The following MDFIC2 variants were observed in gnomAD, a reference collection of about 807,000 sequenced individuals.
MDFIC2 encodes the protein myoD family inhibitor domain-containing protein 2.
At chr3:70,258,419 T>C (rs1701837012) in intron 2 of MDFIC2, among the ~76,000 whole-genome samples, 1 of 152,174 alleles carries the variant, frequency 6.6e-6, no homozygotes, top group African/African-American at 2.4e-5. Flanking sequence ...TACAGAAATA[T>C]GTATTTACAG....
chr3:70,272,991 G>T (rs1701988590), intron 2 of MDFIC2, among the ~76,000 whole-genome samples: 1 of 152,186 alleles, frequency 6.6e-6, no homozygotes, highest in African/African-American at 2.4e-5. Flanking sequence ...CTTCAGTCCA[G>T]GTCAAATCAC....
At position 70,195,530 on chromosome 3, in the gene MDFIC2, T is replaced by C. The variant is rs1701167761; in HGVS notation, c.*1396A>G. ...AAAATGTGCTAGTTTGCTACAGAAA[T>C]AAAGCAAATGGTGATTTTGCCTGAA... On this transcript the variant is annotated 3_prime_UTR_variant, in exon 4 of 4. Coordinates refer to ENST00000567252, the MANE Select transcript of MDFIC2 (RefSeq NM_001364677.1). Among the ~76,000 whole-genome samples, 1 of 152,204 alleles carries C rather than the reference T, an allele frequency of 6.6e-6. No individual in the cohort carries two copies. Among genetic ancestry groups the C allele is most frequent in the Non-Finnish European group, 1.5e-5 (1 of 68,018 alleles).
chr3:70,296,755 A>G (rs1016438105), intron 2 of MDFIC2, among the ~76,000 whole-genome samples: 1 of 152,152 alleles, frequency 6.6e-6, no homozygotes, highest in African/African-American at 2.4e-5. Context: ...TGCTTGGGCT[A>G]CTATAAGCCC....
At chr3:70,299,927 A>G (rs1702330787) in intron 2 of MDFIC2, among the ~76,000 whole-genome samples, 1 of 151,960 alleles carries the variant, frequency 6.6e-6, no homozygotes, top group African/African-American at 2.4e-5. Context: ...ACTCCCACAC[A>G]CGCCCTTTCT....
chr3:70,275,948 A>G (rs1164539747), intron 2 of MDFIC2, among the ~76,000 whole-genome samples: 1 of 152,172 alleles, frequency 6.6e-6, no homozygotes, highest in East Asian at 1.9e-4. Context: ...AGCTTTGATT[A>G]ATATTCTTAA....
At chr3:70,284,040 G>GT (rs1227725402) in intron 2 of MDFIC2, among the ~76,000 whole-genome samples, 1 of 152,038 alleles carries the variant, frequency 6.6e-6, no homozygotes, top group Non-Finnish European at 1.5e-5. Flanking sequence ...TTGGCTATTG[G>GT]TTTTTTAAAA....
chr3:70,292,636 C>T (rs1375236141), intron 2 of MDFIC2, among the ~76,000 whole-genome samples: 1 of 152,022 alleles, frequency 6.6e-6, no homozygotes, highest in Non-Finnish European at 1.5e-5. Context: ...TGAAAAATAA[C>T]TATTTAAACT....
intron 3 of MDFIC2, chr3:70,205,586 G>T (rs56767217): frequency 0.19 from 29,016 of 151,890 alleles, 3,023 homozygotes; most frequent in Non-Finnish European, 0.24. Flanking sequence ...CCCATGGTGT[G>T]AACTAGCCTA....
chr3:70,265,320 C>T (rs1478984414), intron 2 of MDFIC2, among the ~76,000 whole-genome samples: 1 of 152,050 alleles, frequency 6.6e-6, no homozygotes, highest in African/African-American at 2.4e-5. Context: ...AGATATTCTC[C>T]CAAGTGTGAT....
At chr3:70,291,182 C>G (rs901730083) in intron 2 of MDFIC2, 1 of 152,092 alleles carries the variant, frequency 6.6e-6, no homozygotes, top group African/African-American at 2.4e-5. Context: ...CATCCAGGGC[C>G]CTGGAGCCAG....
intron 2 of MDFIC2, among the ~76,000 whole-genome samples, chr3:70,290,281 C>T (rs1429411103): frequency 1.3e-5 from 2 of 152,146 alleles, no homozygotes; most frequent in East Asian, 1.9e-4. Context: ...TTCTAACAGA[C>T]GGGACTCTGA....
chr3:70,215,748 CA>C (rs1352719065), intron 2 of MDFIC2, among the ~76,000 whole-genome samples: 3 of 152,096 alleles, frequency 2.0e-5, no homozygotes, highest in African/African-American at 7.2e-5. Context: ...CAGAACCTAG[CA>C]TGGTGTCTGG....
At chr3:70,293,041 GAAGCAA>G (rs1702253652) in intron 2 of MDFIC2, among the ~76,000 whole-genome samples, 1 of 57,708 alleles carries the variant, frequency 1.7e-5, no homozygotes. Flanking sequence ...TCTGTGGTTT[GAAGCAA>G]AAAAAAAAAA....
chr3:70,301,420 C>A (rs532322021), intron 2 of MDFIC2, among the ~76,000 whole-genome samples: 1 of 152,150 alleles, frequency 6.6e-6, no homozygotes, highest in African/African-American at 2.4e-5. Context: ...TTATCTGAAT[C>A]CTATGGTAAA....
chr3:70,255,685 C>T (rs951097314), intron 2 of MDFIC2, among the ~76,000 whole-genome samples: 1 of 152,086 alleles, frequency 6.6e-6, no homozygotes. Flanking sequence ...TCTTGAACTG[C>T]TGGGCTCAAG....
chr3:70,290,172 T>G (rs1193732931), intron 2 of MDFIC2, among the ~76,000 whole-genome samples: 3 of 152,200 alleles, frequency 2.0e-5, no homozygotes, highest in African/African-American at 4.8e-5. Context: ...TGTTCTGTTT[T>G]TTCCCCATCT....
intron 2 of MDFIC2, among the ~76,000 whole-genome samples, chr3:70,216,274 C>A (rs1299765282): frequency 1.3e-5 from 2 of 150,066 alleles, no homozygotes; most frequent in Non-Finnish European, 3.0e-5. Context: ...AACAAATATA[C>A]TATTCTAATT....
chr3:70,270,681 A>G (rs1162722601), intron 2 of MDFIC2, among the ~76,000 whole-genome samples: 2 of 152,190 alleles, frequency 1.3e-5, no homozygotes, highest in Admixed American at 1.3e-4. Context: ...TATTTTTAAA[A>G]TACACCATGG....
rs147881849 is a variant in MDFIC2, at chr3:70,254,944, C to T, written c.89-48154G>A. Among the ~76,000 whole-genome samples the T allele has an allele frequency of 2.5e-3, 388 of 152,254 alleles. 1 individual carries two copies. The highest frequency in any genetic ancestry group is 8.8e-3 in the African/African-American group (367 of 41,546). On this transcript the variant is annotated intron_variant, in intron 2 of 3. Coordinates refer to ENST00000567252, the MANE Select transcript of MDFIC2 (RefSeq NM_001364677.1). ...TCCTCTGTAATGGTTTCCTAATATT[C>T]CTATTATGAATGTGCAATAATGTAT...
Sources: gnomAD v4.1 joint callset for allele counts (sites outside exome capture counted in the v4.1 genomes callset) on GRCh38, gnomAD v4.1.1 for gene constraint, MANE v1.5 for transcripts, NCBI Gene and HGNC (gene_info 2026-07-23, HGNC 2026-07-21) for gene names.